The following MOB3B variants were observed in gnomAD, a reference collection of about 807,000 sequenced individuals.
MOB3B encodes MOB kinase activator-like 2B.
In MOB3B, 7 loss-of-function variants were observed where a neutral mutation model predicts 18.7. The ratio of observed to expected loss-of-function variants is 0.37; its 90% CI spans 0.21 to 0.70. MOB3B has a LOEUF of 0.70. Ranked by LOEUF, MOB3B falls within the 30% of genes least tolerant of loss-of-function variation. The pLI is 0.52. For missense variants in MOB3B, 253 were observed against 281.3 expected, an observed-to-expected ratio of 0.90 and a Z score of 0.72; for synonymous variants, 111 against 99.9, an observed-to-expected ratio of 1.11 and a Z score of -0.66.
At chr9:27,498,677 G>C (rs959917518) in intron 1 of MOB3B, among the ~76,000 whole-genome samples, 1 of 152,184 alleles carries the variant, frequency 6.6e-6, no homozygotes, top group Non-Finnish European at 1.5e-5. Flanking sequence ...ACCCTGATTT[G>C]TAGTACTGGG....
chr9:27,445,498 C>T (rs1822675873), intron 2 of MOB3B, among the ~76,000 whole-genome samples: 1 of 152,206 alleles, frequency 6.6e-6, no homozygotes, highest in Admixed American at 6.5e-5. Flanking sequence ...TTTCTAGCGA[C>T]TCTGGTACCT....
chr9:27,393,955 T>G (rs1457064379), intron 2 of MOB3B: 1 of 152,208 alleles, frequency 6.6e-6, no homozygotes, highest in African/African-American at 2.4e-5. Flanking sequence ...CAGGGAGGGT[T>G]GTTTTCACTT....
intron 2 of MOB3B, among the ~76,000 whole-genome samples, chr9:27,416,445 C>T (rs1010512378): frequency 4.0e-5 from 6 of 151,670 alleles, no homozygotes; most frequent in Admixed American, 6.6e-5. Flanking sequence ...CCTTTGACAA[C>T]CTGAAAAAGC....
At chr9:27,411,006 T>C (rs1822057487) in intron 2 of MOB3B, among the ~76,000 whole-genome samples, 1 of 152,216 alleles carries the variant, frequency 6.6e-6, no homozygotes, top group Non-Finnish European at 1.5e-5. Context: ...ATATGATGAA[T>C]GCGAATATGG....
At chr9:27,473,746 G>A (rs1387201494) in intron 1 of MOB3B, among the ~76,000 whole-genome samples, 1 of 152,038 alleles carries the variant, frequency 6.6e-6, no homozygotes, top group Non-Finnish European at 1.5e-5. Flanking sequence ...ACAAGCAGAA[G>A]GGGAAAGAAG....
chr9:27,529,639 C>G lies in MOB3B; in HGVS notation c.-283G>C, dbSNP rs1820500017. ...CCAGCGCGAAAGAAAATGGTGAGCT[C>G]GGGGCAGGTGGGGCGTCGCTTGCCA... is the stretch of plus-strand genomic sequence containing the variant. On this transcript the variant is annotated 5_prime_UTR_variant, in exon 1 of 4. Coordinates refer to ENST00000262244, the MANE Select transcript of MOB3B (RefSeq NM_024761.5). The G allele has an allele frequency of 1.0e-6, 1 of 985,422 alleles. No homozygotes were observed. The highest frequency in any genetic ancestry group is 1.7e-5 in the African/African-American group (1 of 57,240). 61.0% of individuals were successfully genotyped at this position (985,422 alleles called of 1,614,324 possible). A position where few individuals can be genotyped will look rare whatever the true frequency, so the allele number is the denominator to read the frequency against.
intron 1 of MOB3B, among the ~76,000 whole-genome samples, chr9:27,500,952 A>G (rs918940842): frequency 6.6e-5 from 10 of 152,204 alleles, no homozygotes; most frequent in Non-Finnish European, 2.9e-5. Context: ...ATGAACAGAC[A>G]CTTCTCAAAA....
intron 1 of MOB3B, among the ~76,000 whole-genome samples, chr9:27,459,324 G>T (rs146664231): frequency 3.3e-5 from 5 of 152,262 alleles, no homozygotes; most frequent in African/African-American, 9.6e-5. Context: ...GATTAGGCTG[G>T]TCTAACAGTC....
intron 2 of MOB3B, among the ~76,000 whole-genome samples, chr9:27,432,972 G>C (rs1257531451): frequency 6.6e-6 from 1 of 151,944 alleles, no homozygotes; most frequent in African/African-American, 2.4e-5. Flanking sequence ...ACTGATGTTA[G>C]AAAATAGATT....
chr9:27,494,834 T>A (rs1277757991), intron 1 of MOB3B, among the ~76,000 whole-genome samples: 1 of 152,090 alleles, frequency 6.6e-6, no homozygotes, highest in Non-Finnish European at 1.5e-5. Context: ...TTTGTAACAG[T>A]GCCACCCCTC....
chr9:27,496,560 G>A (rs531702989), intron 1 of MOB3B, among the ~76,000 whole-genome samples: 3 of 152,270 alleles, frequency 2.0e-5, no homozygotes, highest in African/African-American at 7.2e-5. Flanking sequence ...AAAAAATATG[G>A]ATGTGGTTAA....
chr9:27,524,075 C>T (rs935563305), intron 1 of MOB3B, among the ~76,000 whole-genome samples: 2 of 139,680 alleles, frequency 1.4e-5, no homozygotes, highest in Non-Finnish European at 3.0e-5. Context: ...TAAGGTAACA[C>T]GATGGTAATT....
intron 1 of MOB3B, among the ~76,000 whole-genome samples, chr9:27,505,345 T>C (rs1418248274): frequency 6.6e-6 from 1 of 152,088 alleles, no homozygotes; most frequent in Non-Finnish European, 1.5e-5. Flanking sequence ...CCAAATCAGC[T>C]TTTCCCAAAG....
intron 2 of MOB3B, among the ~76,000 whole-genome samples, chr9:27,404,684 C>T (rs1250886337): frequency 6.6e-6 from 1 of 152,078 alleles, no homozygotes; most frequent in Non-Finnish European, 1.5e-5. Flanking sequence ...CTTTATAACT[C>T]ATCTTAGGTT....
At chr9:27,385,779 G>A (rs1177550438) in intron 2 of MOB3B, among the ~76,000 whole-genome samples, 2 of 152,252 alleles carry the variant, frequency 1.3e-5, no homozygotes, top group African/African-American at 2.4e-5. Flanking sequence ...TTCAAGCAGT[G>A]CAAGCACTGG....
intron 1 of MOB3B, among the ~76,000 whole-genome samples, chr9:27,461,159 G>A (rs572445715): frequency 2.0e-4 from 30 of 152,254 alleles, no homozygotes; most frequent in African/African-American, 7.0e-4. Context: ...CTTTATAGCT[G>A]GAATAGTCCT....
intron 1 of MOB3B, among the ~76,000 whole-genome samples, chr9:27,522,108 G>A (rs1820341321): frequency 6.6e-6 from 1 of 151,598 alleles, no homozygotes; most frequent in Non-Finnish European, 1.5e-5. Context: ...GAGACATGGT[G>A]ACGCGTGCCT....
chr9:27,471,888 T>C (rs1819477726), intron 1 of MOB3B, among the ~76,000 whole-genome samples: 2 of 152,290 alleles, frequency 1.3e-5, no homozygotes. Context: ...ATTGTGGTGA[T>C]CAACTAAGAC....
chr9:27,449,510 T>C (rs1407257833), intron 2 of MOB3B, among the ~76,000 whole-genome samples: 1 of 152,164 alleles, frequency 6.6e-6, no homozygotes, highest in African/African-American at 2.4e-5. Context: ...AGAGATAAAG[T>C]CACACAGCAG....
Sources: gnomAD v4.1 joint callset for allele counts (sites outside exome capture counted in the v4.1 genomes callset) on GRCh38, gnomAD v4.1.1 for gene constraint, MANE v1.5 for transcripts, NCBI Gene and HGNC (gene_info 2026-07-23, HGNC 2026-07-21) for gene names.